Variants in NR1H4 observed in about 807,000 individuals in gnomAD.
NR1H4 encodes nuclear receptor subfamily 1 group H member 4.
A neutral mutation model predicts 58.5 loss-of-function variants in NR1H4; 23 were observed. The observed-to-expected ratio is 0.39, with a 90% CI of 0.28 to 0.56. The LOEUF is 0.56. Ranked by LOEUF, NR1H4 falls within the 20% of genes least tolerant of loss-of-function variation. NR1H4 has a pLI of 0.58. For missense variants in NR1H4, 487 were observed against 576.9 expected, an observed-to-expected ratio of 0.84 and a Z score of 1.60; for synonymous variants, 214 against 198.0, an observed-to-expected ratio of 1.08 and a Z score of -0.68.
At position 100,494,208 on chromosome 12, in the gene NR1H4, C is replaced by T. The variant is rs1196686333; in HGVS notation, c.79+806C>T. On this transcript the variant is annotated intron_variant, in intron 3 of 10. Coordinates refer to ENST00000392986, the MANE Select transcript of NR1H4 (RefSeq NM_001206979.2). ...TTCCTCAAAGTTCAATGTATGAAGG[C>T]ATGACCGCTTATTTGGTTGCTGATA... Among the ~76,000 whole-genome samples the T allele has an allele frequency of 3.3e-5, 5 of 152,294 alleles. No individual in the cohort carries two copies. In the East Asian group the frequency reaches 9.7e-4, roughly 29 times the overall value.
chr12:100,564,057 T>G lies in NR1H4; in HGVS notation c.*568T>G. The G allele has an allele frequency of 6.5e-6, 1 of 152,774 alleles. No individual in the cohort carries two copies. The highest frequency in any genetic ancestry group is 1.9e-4 in the East Asian group (1 of 5,202). The allele number at this position is 152,774 out of a possible 1,614,324, so 9.5% of individuals were successfully genotyped here. A position where few individuals can be genotyped will look rare whatever the true frequency, so the allele number is the denominator to read the frequency against. ...TCTGATCATTTCCTTTTCTTTGAAG[T>G]TCAAAGAGAATAGCAAACAGAAAAG... On this transcript the variant is annotated 3_prime_UTR_variant, in exon 11 of 11. Transcript: ENST00000392986.
chr12:100,561,875 T>C lies in NR1H4; in HGVS notation c.1079-10T>C, dbSNP rs759597239. 8 of 1,070,894 alleles carry C rather than the reference T, an allele frequency of 7.5e-6. No individual in the cohort carries two copies. In the East Asian group the frequency reaches 1.9e-4, roughly 25 times the overall value. 66.3% of individuals were successfully genotyped at this position (1,070,894 alleles called of 1,614,324 possible). A position where few individuals can be genotyped will look rare whatever the true frequency, so the allele number is the denominator to read the frequency against. ...AAAAATTGTATTATGATTGCAACTT[T>C]CCCCCACAGGTATCTCTGATGAATA... is the stretch of plus-strand genomic sequence containing the variant. On this transcript the variant is annotated splice_polypyrimidine_tract_variant and intron_variant, in intron 9 of 10. Coordinates refer to ENST00000392986, the MANE Select transcript of NR1H4 (RefSeq NM_001206979.2).
At chr12:100,489,185 T>G (rs773934424) in intron 1 of NR1H4, among the ~76,000 whole-genome samples, 4 of 152,246 alleles carry the variant, frequency 2.6e-5, no homozygotes, top group African/African-American at 4.8e-5. Context: ...AAAGAAAATC[T>G]GACTATTATG....
In NR1H4 at chr12:100,506,040, CACAGAG is replaced by C. The variant is rs57473976; in HGVS notation, c.80-4736_80-4731del. Among the ~76,000 whole-genome samples the C allele has an allele frequency of 6.5e-3, 850 of 131,348 alleles. 7 individuals carry two copies. Among genetic ancestry groups the C allele is most frequent in the African/African-American group, 0.027 (803 of 29,258 alleles). The allele number at this position is 131,348 out of a possible 152,430, so 86.2% of individuals were successfully genotyped here. Reference sequence around the variant, plus strand: ...ACACACACACACACACACACACACACACAGAGAGAGAGAGAGAACATGAGCATATGT... The same window carrying C: ...ACACACACACACACACACACACACACAGAGAGAGAGAACATGAGCATATGT... On this transcript the variant is annotated intron_variant, in intron 3 of 10. Transcript: ENST00000392986.
At chr12:100,555,846 A>T (rs1200877790) in intron 9 of NR1H4, among the ~76,000 whole-genome samples, 2 of 152,170 alleles carry the variant, frequency 1.3e-5, no homozygotes, top group Non-Finnish European at 2.9e-5. Flanking sequence ...GGAAGCCAGG[A>T]CTGGTATTCT....
At chr12:100,550,526 G>A (rs144022729) in intron 9 of NR1H4, among the ~76,000 whole-genome samples, 2,240 of 152,106 alleles carry the variant, frequency 0.015, 40 homozygotes, top group Middle Eastern at 0.024. Flanking sequence ...CAACATGTCC[G>A]GTTAATTTTT....
intron 2 of NR1H4, 121 bp downstream of exon 2, chr12:100,492,758 G>T (rs1953631961): frequency 6.5e-6 from 1 of 153,694 alleles, no homozygotes; most frequent in South Asian, 2.0e-4. Flanking sequence ...CTAAAAGGCA[G>T]ATACAAGGAA....
At chr12:100,560,069 C>T (rs1271399503) in intron 9 of NR1H4, among the ~76,000 whole-genome samples, 2 of 151,886 alleles carry the variant, frequency 1.3e-5, no homozygotes, top group African/African-American at 4.8e-5. Flanking sequence ...CCAATCGACA[C>T]TCTGTATCTA....
chr12:100,479,580 A>G (rs1953337137), intron 1 of NR1H4, among the ~76,000 whole-genome samples: 1 of 152,194 alleles, frequency 6.6e-6, no homozygotes, highest in Non-Finnish European at 1.5e-5. Context: ...CCTAATGCCT[A>G]TTCCTTCAAG....
intron 4 of NR1H4, among the ~76,000 whole-genome samples, chr12:100,517,640 C>A (rs1954301521): frequency 6.6e-6 from 1 of 152,210 alleles, no homozygotes; most frequent in Admixed American, 6.5e-5. Flanking sequence ...CAAATTTACA[C>A]TCCCACCAGC....
chr12:100,504,226 A>G (rs1952849797), intron 3 of NR1H4, among the ~76,000 whole-genome samples: 1 of 152,218 alleles, frequency 6.6e-6, no homozygotes, highest in Non-Finnish European at 1.5e-5. Flanking sequence ...AAAACACAGT[A>G]TAATGTAAAT....
intron 9 of NR1H4, among the ~76,000 whole-genome samples, chr12:100,552,229 C>T (rs1049694858): frequency 6.6e-5 from 10 of 152,122 alleles, no homozygotes; most frequent in African/African-American, 1.9e-4. Flanking sequence ...ACTCCTAAGC[C>T]CTGGTGAGAC....
chr12:100,477,697 A>T (rs1299515912), intron 1 of NR1H4, among the ~76,000 whole-genome samples: 1 of 152,194 alleles, frequency 6.6e-6, no homozygotes, highest in Non-Finnish European at 1.5e-5. Context: ...CTAAGCAGAG[A>T]GCTATTTGCT....
At chr12:100,546,912 G>A (rs1045071686) in intron 9 of NR1H4, among the ~76,000 whole-genome samples, 1 of 152,058 alleles carries the variant, frequency 6.6e-6, no homozygotes, top group Middle Eastern at 3.2e-3. Context: ...AAAACCCTCT[G>A]CCTGACTGAG....
chr12:100,519,587 C>G (rs1253151599), intron 4 of NR1H4, among the ~76,000 whole-genome samples: 1 of 152,120 alleles, frequency 6.6e-6, no homozygotes. Context: ...TGTTGGGATG[C>G]CTGGCTTCCC....
At chr12:100,517,212 A>T (rs1954290907) in intron 4 of NR1H4, among the ~76,000 whole-genome samples, 1 of 152,054 alleles carries the variant, frequency 6.6e-6, no homozygotes, top group Non-Finnish European at 1.5e-5. Flanking sequence ...TCCTCTCATA[A>T]CTACCATTCT....
At position 100,532,752 on chromosome 12, in the gene NR1H4, C is replaced by A. The variant is rs1337782516; in HGVS notation, c.598+142C>A. On this transcript the variant is annotated intron_variant, in intron 5 of 10. Coordinates refer to ENST00000392986, the MANE Select transcript of NR1H4 (RefSeq NM_001206979.2). ...AGTTCTTGAAAAGGGTAATGAACCA[C>A]TGAAATTGTCCAAACTGTCAACTAA... 4.0e-5 allele frequency: 29 copies of A among 722,264 alleles called. No homozygotes were observed. In the East Asian group the frequency reaches 7.8e-4, roughly 19 times the overall value. The allele number at this position is 722,264 out of a possible 1,614,324, so 44.7% of individuals were successfully genotyped here.
chr12:100,535,066 A>T, intron 6 of NR1H4, 43 bp downstream of exon 6: 1 of 1,612,828 alleles, frequency 6.2e-7, no homozygotes, highest in Non-Finnish European at 8.5e-7. Context: ...GCAGGAACTG[A>T]GTTTCTAGGT....
intron 1 of NR1H4, among the ~76,000 whole-genome samples, chr12:100,478,892 C>G (rs1393530248): frequency 6.6e-6 from 1 of 152,202 alleles, no homozygotes; most frequent in African/African-American, 2.4e-5. Flanking sequence ...TTTTCATACA[C>G]TTTGAATATT....
Sources: allele counts gnomAD v4.1 joint callset (sites outside exome capture counted in the v4.1 genomes callset), GRCh38; gene constraint gnomAD v4.1.1; transcripts MANE v1.5; gene names NCBI Gene and HGNC (gene_info 2026-07-23, HGNC 2026-07-21).